The following PDE10A variants were observed in gnomAD, a reference collection of about 807,000 sequenced individuals.
The protein encoded by PDE10A is cAMP and cAMP-inhibited cGMP 3',5'-cyclic phosphodiesterase 10A.
In PDE10A, 39 loss-of-function variants were observed where a neutral mutation model predicts 97.7. The observed-to-expected ratio is 0.40, with a 90% CI of 0.31 to 0.52. The LOEUF is 0.52. PDE10A is among the 20% of genes least tolerant of loss of function. The pLI, the probability that PDE10A is intolerant of heterozygous loss-of-function variation, is 0.56. For synonymous variants in PDE10A, 371 were observed against 376.8 expected (o/e 0.98, Z 0.18); for missense variants, 731 against 1,047.8 (o/e 0.70, Z 4.17).
intron 21 of PDE10A, among the ~76,000 whole-genome samples, chr6:165,334,311 T>C (rs113323891): frequency 0.018 from 2,365 of 132,374 alleles, 76 homozygotes; most frequent in African/African-American, 0.051. Context: ...CCATAGCGCC[T>C]TACAGCGCCG....
At chr6:165,461,795 G>A (rs1778344533) in intron 3 of PDE10A, among the ~76,000 whole-genome samples, 1 of 152,180 alleles carries the variant, frequency 6.6e-6, no homozygotes, top group South Asian at 2.1e-4. Context: ...AATGCCTCTG[G>A]CCTCAAACGC....
intron 1 of PDE10A, among the ~76,000 whole-genome samples, chr6:165,800,268 G>A (rs1287324336): frequency 6.6e-6 from 1 of 152,168 alleles, no homozygotes; most frequent in Non-Finnish European, 1.5e-5. Flanking sequence ...GATTGTTGGG[G>A]GCTGAGAAAG....
At chr6:165,621,495 C>T (rs1788131983) in intron 1 of PDE10A, among the ~76,000 whole-genome samples, 2 of 152,182 alleles carry the variant, frequency 1.3e-5, no homozygotes, top group Non-Finnish European at 1.5e-5. Flanking sequence ...CAGTGGCTCA[C>T]GCCTGTAATC....
At chr6:165,814,664 C>T (rs1422162011) in intron 1 of PDE10A, among the ~76,000 whole-genome samples, 2 of 152,104 alleles carry the variant, frequency 1.3e-5, no homozygotes, top group Non-Finnish European at 2.9e-5. Context: ...TTCATATAGT[C>T]ACATTCCTCA....
intron 3 of PDE10A, among the ~76,000 whole-genome samples, chr6:165,467,199 T>G (rs910720326): frequency 6.6e-6 from 1 of 152,208 alleles, no homozygotes; most frequent in African/African-American, 2.4e-5. Flanking sequence ...AAAGAAGCCA[T>G]CTTCATAACA....
At chr6:165,642,970 T>G (rs746009598) in intron 1 of PDE10A, among the ~76,000 whole-genome samples, 2 of 152,156 alleles carry the variant, frequency 1.3e-5, no homozygotes, top group Non-Finnish European at 2.9e-5. Flanking sequence ...AGCTGAGGAA[T>G]AGTTCACTCA....
intron 1 of PDE10A, among the ~76,000 whole-genome samples, chr6:165,682,533 G>A (rs184838381): frequency 9.5e-4 from 144 of 152,212 alleles, no homozygotes; most frequent in African/African-American, 3.3e-3. Context: ...CCTCATAAAT[G>A]GGATTAGTGC....
intron 1 of PDE10A, among the ~76,000 whole-genome samples, chr6:165,579,104 G>A (rs1286729202): frequency 1.3e-5 from 2 of 152,182 alleles, no homozygotes; most frequent in South Asian, 4.1e-4. Flanking sequence ...AATTATATAT[G>A]ATGAAAGGCA....
chr6:165,398,340 G>A (rs1393613182), intron 13 of PDE10A, among the ~76,000 whole-genome samples: 1 of 152,054 alleles, frequency 6.6e-6, no homozygotes, highest in African/African-American at 2.4e-5. Context: ...AATTAGCCAG[G>A]CACGGTGGCA....
intron 2 of PDE10A, among the ~76,000 whole-genome samples, chr6:165,512,661 T>A (rs540684152): frequency 6.6e-6 from 1 of 152,164 alleles, no homozygotes; most frequent in African/African-American, 2.4e-5. Flanking sequence ...TTCATACACA[T>A]TTCTTGATGC....
At chr6:165,366,635 A>T (rs1319741290) in intron 18 of PDE10A, among the ~76,000 whole-genome samples, 1 of 152,290 alleles carries the variant, frequency 6.6e-6, no homozygotes, top group East Asian at 1.9e-4. Context: ...AGCCCAAAAG[A>T]AAGTCAGGGC....
chr6:165,563,278 G>T (rs1784615501), intron 1 of PDE10A, among the ~76,000 whole-genome samples: 1 of 151,036 alleles, frequency 6.6e-6, no homozygotes, highest in Non-Finnish European at 1.5e-5. Flanking sequence ...AGGGAAGGAA[G>T]GAAGGAAGGA....
intron 1 of PDE10A, among the ~76,000 whole-genome samples, chr6:165,698,364 C>G (rs141144527): frequency 8.4e-4 from 128 of 152,202 alleles, no homozygotes; most frequent in African/African-American, 3.0e-3. Context: ...ATAAATAACC[C>G]TAATAAAGGC....
At chr6:165,981,650 C>T (rs536753649) in intron 1 of PDE10A, among the ~76,000 whole-genome samples, 1 of 152,280 alleles carries the variant, frequency 6.6e-6, no homozygotes, top group African/African-American at 2.4e-5. Flanking sequence ...ATGGTAATGG[C>T]CTTTCTGGTT....
intron 13 of PDE10A, among the ~76,000 whole-genome samples, chr6:165,400,051 G>A (rs1219223096): frequency 6.6e-6 from 1 of 152,146 alleles, no homozygotes; most frequent in East Asian, 1.9e-4. Context: ...TTTTCAGCAA[G>A]GCTGCAAAGG....
chr6:165,374,365 TCTGAA>T (rs1330301650), intron 18 of PDE10A, among the ~76,000 whole-genome samples: 1 of 151,932 alleles, frequency 6.6e-6, no homozygotes, highest in Non-Finnish European at 1.5e-5. Context: ...CAAAAGAAAA[TCTGAA>T]TAAGTTTTTT....
intron 8 of PDE10A, among the ~76,000 whole-genome samples, chr6:165,430,555 A>C (rs1245378634): frequency 6.6e-6 from 1 of 152,150 alleles, no homozygotes; most frequent in Non-Finnish European, 1.5e-5. Flanking sequence ...TATTGTCTCA[A>C]GCACCACAAA....
intron 18 of PDE10A, among the ~76,000 whole-genome samples, chr6:165,369,759 T>C (rs559500597): frequency 1.7e-4 from 24 of 144,378 alleles, no homozygotes; most frequent in African/African-American, 6.4e-4. Context: ...GAAGAGCAAC[T>C]CCAAGACACA....
intron 18 of PDE10A, among the ~76,000 whole-genome samples, chr6:165,364,501 G>A (rs1172921891): frequency 6.6e-6 from 1 of 152,162 alleles, no homozygotes; most frequent in Non-Finnish European, 1.5e-5. Context: ...ATAGCCTGAA[G>A]GGACTAAGAC....
Sources: gnomAD v4.1 joint callset for allele counts (sites outside exome capture counted in the v4.1 genomes callset) on GRCh38, gnomAD v4.1.1 for gene constraint, MANE v1.5 for transcripts, NCBI Gene and HGNC (gene_info 2026-07-23, HGNC 2026-07-21) for gene names.